The following SPHKAP variants were observed in gnomAD, a reference collection of about 807,000 sequenced individuals.
SPHKAP encodes SPHK1 interactor, AKAP domain containing.
Under a neutral mutation model 137.5 loss-of-function variants are expected in SPHKAP, and 67 were observed. That is an observed-to-expected ratio of 0.49 (90% confidence interval 0.40 to 0.60). SPHKAP has a LOEUF of 0.60. SPHKAP is among the 20% of genes least tolerant of loss of function. SPHKAP has a pLI of 0.00. For synonymous variants in SPHKAP, 813 were observed against 785.3 expected (o/e 1.04, Z -0.59); for missense variants, 2,097 against 2,069.3 (o/e 1.01, Z -0.26).
At chr2:228,062,603 T>C (rs1161277615) in intron 3 of SPHKAP, among the ~76,000 whole-genome samples, 2 of 148,254 alleles carry the variant, frequency 1.3e-5, no homozygotes, top group Non-Finnish European at 3.0e-5. Context: ...CTATTAAAAA[T>C]GGAAAAAAAA....
Position 227,985,760 on chromosome 2 carries a change from ATAAAT to A in SPHKAP, c.4960-3905_4960-3901del, listed in dbSNP as rs550671961. On this transcript the variant is annotated intron_variant, in intron 11 of 11. Coordinates refer to ENST00000392056, the MANE Select transcript of SPHKAP (RefSeq NM_001142644.2). ...ACTTTTATATTCTTAGGTGCATTTAATAAATTAGATTAATTGTTTACAAAACTATA... is the reference window on the plus strand; with the variant it reads ...ACTTTTATATTCTTAGGTGCATTTAATAGATTAATTGTTTACAAAACTATA... Among the ~76,000 whole-genome samples, 27 of 152,352 alleles carry A rather than the reference ATAAAT, an allele frequency of 1.8e-4. No homozygotes were observed. In the South Asian group the frequency reaches 5.6e-3, roughly 32 times the overall value.
chr2:228,128,436 ATT>A, intron 2 of SPHKAP, among the ~76,000 whole-genome samples: 1 of 152,070 alleles, frequency 6.6e-6, no homozygotes, highest in East Asian at 1.9e-4. Context: ...TTTTCTTGTT[ATT>A]TCAACCACAT....
chr2:228,027,707 GT>G (rs1265797614), intron 3 of SPHKAP, among the ~76,000 whole-genome samples, 164 bp from the exon 4 acceptor site: 1 of 152,048 alleles, frequency 6.6e-6, no homozygotes, highest in Non-Finnish European at 1.5e-5. Context: ...GTGGCTTATG[GT>G]TGTAATCCCA....
At chr2:228,033,460 G>C (rs1353357868) in intron 3 of SPHKAP, among the ~76,000 whole-genome samples, 1 of 152,072 alleles carries the variant, frequency 6.6e-6, no homozygotes, top group East Asian at 1.9e-4. Context: ...GTCAACATTG[G>C]ACAGATCAAC....
In SPHKAP at chr2:228,080,772, T is replaced by G. The variant is rs1247453273; in HGVS notation, c.246+28060A>C. 9.4e-4 allele frequency among the ~76,000 whole-genome samples: 90 copies of G among 96,042 alleles called. 1 individual carries two copies. The highest frequency in any genetic ancestry group is 3.4e-3 in the African/African-American group (85 of 24,716). The allele number at this position is 96,042 out of a possible 152,430, so 63.0% of individuals were successfully genotyped here. On this transcript the variant is annotated intron_variant, in intron 3 of 11. Coordinates refer to ENST00000392056, the MANE Select transcript of SPHKAP (RefSeq NM_001142644.2). ...TAAAATAAAATAAAATAAAATAAAA[T>G]AAAATAAAATAAAACCAAACCACAA...
intron 1 of SPHKAP, among the ~76,000 whole-genome samples, chr2:228,136,769 C>T (rs1486461178): frequency 6.6e-6 from 1 of 152,148 alleles, no homozygotes; most frequent in African/African-American, 2.4e-5. Flanking sequence ...ATTCACCTTC[C>T]ATTTGCCTGT....
intron 1 of SPHKAP, among the ~76,000 whole-genome samples, chr2:228,164,399 C>T (rs1700360931): frequency 6.6e-6 from 1 of 152,218 alleles, no homozygotes; most frequent in Non-Finnish European, 1.5e-5. Context: ...TAATAAACTC[C>T]CTTTCATGTA....
chr2:228,032,079 A>T (rs1695350689), intron 3 of SPHKAP, among the ~76,000 whole-genome samples: 1 of 152,028 alleles, frequency 6.6e-6, no homozygotes, highest in Non-Finnish European at 1.5e-5. Flanking sequence ...CGATCAAACT[A>T]CTCCGAACTA....
At chr2:228,155,236 G>C (rs1361210602) in intron 1 of SPHKAP, among the ~76,000 whole-genome samples, 2 of 147,378 alleles carry the variant, frequency 1.4e-5, no homozygotes, top group African/African-American at 2.5e-5. Flanking sequence ...TTTTTTTTTT[G>C]GGTGAGACAA....
chr2:228,058,707 T>C (rs1301234523), intron 3 of SPHKAP, among the ~76,000 whole-genome samples: 1 of 152,244 alleles, frequency 6.6e-6, no homozygotes, highest in Non-Finnish European at 1.5e-5. Context: ...AGTTTCTATG[T>C]AGCACTGTGG....
intron 11 of SPHKAP, among the ~76,000 whole-genome samples, chr2:227,987,537 G>A (rs1351470713): frequency 2.6e-5 from 4 of 152,172 alleles, no homozygotes; most frequent in African/African-American, 7.2e-5. Flanking sequence ...CGATTTTCAG[G>A]TGCATTTAGC....
intron 2 of SPHKAP, among the ~76,000 whole-genome samples, chr2:228,113,739 G>C (rs773718814): frequency 2.0e-5 from 3 of 150,890 alleles, no homozygotes; most frequent in Non-Finnish European, 4.4e-5. Context: ...GCCTCCCTTT[G>C]CCTTTGGTAA....
At chr2:227,982,007 T>C in intron 11 of SPHKAP, 147 bp from the exon 12 acceptor site, 1 of 1,316,188 alleles carries the variant, frequency 7.6e-7, no homozygotes, top group Non-Finnish European at 9.7e-7. Flanking sequence ...ATAATCTATT[T>C]TCTTTTTAAG....
rs545225609 is a variant in SPHKAP, at chr2:228,013,394, C to G, written c.4448+3012G>C. ...GCCCCCCAAGTAGCTGGGAAGGTGC[C>G]CTCCACCACACCTGGCTAATTTTTG... On this transcript the variant is annotated intron_variant, in intron 7 of 11. Transcript: ENST00000392056. 3.7e-4 allele frequency among the ~76,000 whole-genome samples: 57 copies of G among 152,166 alleles called. 1 individual carries two copies. In the South Asian group the frequency reaches 0.011, roughly 29 times the overall value.
chr2:228,027,983 AG>A, intron 3 of SPHKAP: 1 of 981,526 alleles, frequency 1.0e-6, no homozygotes, highest in Non-Finnish European at 1.2e-6. Context: ...AAAAGAAAAA[AG>A]AAAAAAAGAA....
intron 2 of SPHKAP, among the ~76,000 whole-genome samples, chr2:228,109,656 G>A (rs1362453715): frequency 6.6e-6 from 1 of 152,114 alleles, no homozygotes; most frequent in Non-Finnish European, 1.5e-5. Context: ...ATCAATAACT[G>A]CTAATGTCTT....
intron 3 of SPHKAP, among the ~76,000 whole-genome samples, chr2:228,028,879 G>C (rs1298487950): frequency 6.6e-6 from 1 of 152,214 alleles, no homozygotes; most frequent in South Asian, 2.1e-4. Flanking sequence ...AAACTACTAT[G>C]AGCATTCAGA....
intron 7 of SPHKAP, among the ~76,000 whole-genome samples, chr2:228,002,298 A>C (rs1205304676): frequency 5.3e-5 from 8 of 152,072 alleles, no homozygotes; most frequent in African/African-American, 4.8e-5. Context: ...TGTGGTTTTG[A>C]TTTGCATTTC....
rs1464170390 is a variant in SPHKAP at position 228,088,601 on chromosome 2, A to T, written c.246+20231T>A. ...TATCCTCTCCAAATCTCATGGTGAAATGTAATTTCCAATGTTGGAGAAGGA... is the reference window on the plus strand; with the variant it reads ...TATCCTCTCCAAATCTCATGGTGAATTGTAATTTCCAATGTTGGAGAAGGA... On this transcript the variant is annotated intron_variant, in intron 3 of 11. Transcript: ENST00000392056. Among the ~76,000 whole-genome samples the T allele has an allele frequency of 3.3e-5, 5 of 152,220 alleles. No homozygotes were observed. The East Asian group carries it at 9.6e-4, about 29-fold the overall frequency.
Sources: gnomAD v4.1 joint callset for allele counts (sites outside exome capture counted in the v4.1 genomes callset) on GRCh38, gnomAD v4.1.1 for gene constraint, MANE v1.5 for transcripts, NCBI Gene and HGNC (gene_info 2026-07-23, HGNC 2026-07-21) for gene names.